The following CYP46A1 variants were observed in gnomAD, a reference collection of about 807,000 sequenced individuals.
The protein encoded by CYP46A1 is cholesterol 24-hydroxylase.
Under a neutral mutation model 63.3 loss-of-function variants are expected in CYP46A1, and 20 were observed. The observed-to-expected ratio is 0.32, with a 90% CI of 0.22 to 0.46. The LOEUF (loss-of-function observed/expected upper bound fraction) is 0.46, where lower values mean the gene tolerates loss of function less well. Ranked by LOEUF, CYP46A1 falls within the 20% of genes least tolerant of loss-of-function variation. The pLI is 1.00. For synonymous variants in CYP46A1, 268 were observed against 273.6 expected (o/e 0.98, Z 0.20); for missense variants, 445 against 670.8 (o/e 0.66, Z 3.72).
intron 1 of CYP46A1, chr14:99,684,756 C>T (rs1355626646): frequency 1.6e-6 from 1 of 635,720 alleles, no homozygotes; most frequent in South Asian, 1.5e-5. Context: ...GCCCCACAAA[C>T]GTGATGGCAG....
At chr14:99,707,012 G>A (rs1288418646) in intron 6 of CYP46A1, among the ~76,000 whole-genome samples, 4 of 152,204 alleles carry the variant, frequency 2.6e-5, no homozygotes, top group African/African-American at 9.7e-5. Flanking sequence ...ACAGGTGCAG[G>A]GCCTGGCCTG....
intron 3 of CYP46A1, among the ~76,000 whole-genome samples, chr14:99,694,631 C>G (rs1311444844): frequency 6.6e-6 from 1 of 151,948 alleles, no homozygotes; most frequent in East Asian, 1.9e-4. Flanking sequence ...TCCCGACTAG[C>G]TGGGATTACA....
At chr14:99,715,762 G>A (rs2056782662) in intron 7 of CYP46A1, 48 bp from the exon 8 acceptor site, 1 of 1,612,324 alleles carries the variant, frequency 6.2e-7, no homozygotes. Context: ...GAGGGGAGAG[G>A]GAACATGCGT....
chr14:99,699,755 C>T (rs1351439793), intron 4 of CYP46A1, among the ~76,000 whole-genome samples: 2 of 152,204 alleles, frequency 1.3e-5, no homozygotes, highest in Admixed American at 1.3e-4. Context: ...ATAGAGGCCA[C>T]TGAGGTTGGG....
intron 3 of CYP46A1, chr14:99,695,453 C>T: frequency 2.3e-6 from 1 of 437,310 alleles, no homozygotes. Context: ...TGGCTTCCTG[C>T]ATTTTGAAGT....
At chr14:99,716,316 A>G in intron 9 of CYP46A1, 117 bp downstream of exon 9, 1 of 1,057,916 alleles carries the variant, frequency 9.5e-7, no homozygotes, top group Non-Finnish European at 1.4e-6. Context: ...AGCTCACCGC[A>G]GGGCTAGGGG....
chr14:99,692,331 A>T (rs2056550862), intron 3 of CYP46A1, among the ~76,000 whole-genome samples: 1 of 152,156 alleles, frequency 6.6e-6, no homozygotes, highest in Non-Finnish European at 1.5e-5. Flanking sequence ...AGGAGTAGGG[A>T]CTCTTATTAG....
At chr14:99,687,721 G>A (rs1183193111) in intron 1 of CYP46A1, among the ~76,000 whole-genome samples, 1 of 152,178 alleles carries the variant, frequency 6.6e-6, no homozygotes, top group East Asian at 1.9e-4. Flanking sequence ...AGCCAATCAT[G>A]ATGTTGCAGG....
chr14:99,707,838 A>G, intron 7 of CYP46A1, 160 bp downstream of exon 7: 2 of 611,364 alleles, frequency 3.3e-6, no homozygotes, highest in East Asian at 5.6e-5. Flanking sequence ...TGCATTGCCT[A>G]AAGTAAAGGC....
intron 5 of CYP46A1, 83 bp from the exon 6 acceptor site, chr14:99,706,564 C>T: frequency 6.4e-7 from 1 of 1,562,376 alleles, no homozygotes; most frequent in Non-Finnish European, 8.7e-7. Flanking sequence ...TGCACAGTAT[C>T]CTCTCTGTGG....
intron 10 of CYP46A1, among the ~76,000 whole-genome samples, chr14:99,720,476 T>G (rs1015009107): frequency 4.0e-5 from 6 of 150,992 alleles, no homozygotes; most frequent in Non-Finnish European, 7.4e-5. Flanking sequence ...TTTTTTTTTT[T>G]TGAGACGGAG....
intron 3 of CYP46A1, chr14:99,695,395 C>G (rs776481117): frequency 5.7e-5 from 23 of 403,988 alleles, no homozygotes; most frequent in East Asian, 2.5e-4. Flanking sequence ...AATGTTGAAC[C>G]CTTCATAATC....
chr14:99,713,684 G>T (rs1182017446), intron 7 of CYP46A1, among the ~76,000 whole-genome samples: 2 of 151,696 alleles, frequency 1.3e-5, no homozygotes, highest in African/African-American at 4.8e-5. Context: ...TTTCAGACCA[G>T]CCTGGCCAAC....
intron 3 of CYP46A1, among the ~76,000 whole-genome samples, chr14:99,698,497 G>C (rs1237203098): frequency 2.0e-5 from 3 of 152,194 alleles, no homozygotes; most frequent in African/African-American, 7.2e-5. Flanking sequence ...CAGCAACTTG[G>C]GTTGACTGGG....
intron 3 of CYP46A1, among the ~76,000 whole-genome samples, chr14:99,698,699 C>T (rs987186926): frequency 6.6e-6 from 1 of 152,180 alleles, no homozygotes; most frequent in South Asian, 2.1e-4. Context: ...CATCCAAGGT[C>T]CCAGAGTTAG....
intron 3 of CYP46A1, among the ~76,000 whole-genome samples, chr14:99,694,056 G>A (rs975349566): frequency 3.3e-5 from 5 of 151,370 alleles, no homozygotes; most frequent in Non-Finnish European, 2.9e-5. Flanking sequence ...CTTTATGTGC[G>A]TCATACATGT....
At position 99,718,140 on chromosome 14, in the gene CYP46A1, T is replaced by C; in HGVS notation, c.980+14T>C. The C allele has an allele frequency of 6.2e-7, 1 of 1,612,500 alleles. No individual in the cohort carries two copies. Among genetic ancestry groups the C allele is most frequent in the Non-Finnish European group, 8.5e-7 (1 of 1,178,752 alleles). On this transcript the variant is annotated intron_variant, in intron 10 of 14. Transcript: ENST00000261835. ...GATCGTGGCAAGGTATGGGGGCTGCTCTTGGGGCTGGCAAAGAGGTCTGTC... is the reference window on the plus strand; with the variant it reads ...GATCGTGGCAAGGTATGGGGGCTGCCCTTGGGGCTGGCAAAGAGGTCTGTC...
intron 7 of CYP46A1, chr14:99,712,679 C>T (rs1436742498): frequency 6.6e-6 from 1 of 152,202 alleles, no homozygotes; most frequent in African/African-American, 2.4e-5. Flanking sequence ...ATCCCATGCT[C>T]ATGGATCGAA....
rs541629590 is a variant in CYP46A1, at chr14:99,706,385, A to C, written c.444-262A>C. ...TCAGGGCTGAAGGGCCACAGTGACC[A>C]ACAGAGTACCTGTGGAACTGTTAGG... On this transcript the variant is annotated intron_variant, in intron 5 of 14. Coordinates refer to ENST00000261835, the MANE Select transcript of CYP46A1 (RefSeq NM_006668.2). 1.0e-4 allele frequency: 43 copies of C among 429,426 alleles called. No individual in the cohort carries two copies. The East Asian group carries it at 1.8e-3, about 18-fold the overall frequency. 26.6% of individuals were successfully genotyped at this position (429,426 alleles called of 1,614,324 possible).
Sources: gnomAD v4.1 joint callset for allele counts (sites outside exome capture counted in the v4.1 genomes callset) on GRCh38, gnomAD v4.1.1 for gene constraint, MANE v1.5 for transcripts, NCBI Gene and HGNC (gene_info 2026-07-23, HGNC 2026-07-21) for gene names.